Variants in KDM6A observed in about 807,000 individuals in gnomAD.
KDM6A encodes the protein lysine-specific demethylase 6A.
Under a neutral mutation model 117.6 loss-of-function variants are expected in KDM6A, and 11 were observed. The observed-to-expected ratio is 0.09, with a 90% CI of 0.06 to 0.15. KDM6A has a LOEUF of 0.15. Ranked by LOEUF, KDM6A falls within the 10% of genes least tolerant of loss-of-function variation. The pLI is 1.00. For synonymous variants in KDM6A, 384 were observed against 396.1 expected, an observed-to-expected ratio of 0.97 and a Z score of 0.36; for missense variants, 799 against 1,077.3, an observed-to-expected ratio of 0.74 and a Z score of 3.62.
At chrX:44,889,791 G>C (rs1416569034) in intron 2 of KDM6A, among the ~76,000 whole-genome samples, 1 of 112,102 alleles carries the variant, frequency 8.9e-6, no homozygotes, top group Non-Finnish European at 1.9e-5. Flanking sequence ...ATGACAGATT[G>C]GATATCATGC....
chrX:45,017,088 A>G (rs1219825561), intron 5 of KDM6A, among the ~76,000 whole-genome samples: 1 of 112,139 alleles, frequency 8.9e-6, no homozygotes, highest in Non-Finnish European at 1.9e-5. Flanking sequence ...GATGATATAA[A>G]AACTATATTT....
intron 17 of KDM6A, among the ~76,000 whole-genome samples, chrX:45,068,786 T>C (rs1378849943): frequency 1.2e-5 from 1 of 85,439 alleles, no homozygotes; most frequent in Non-Finnish European, 2.2e-5. Context: ...CTCCTCTCTC[T>C]TCTTTCTCTT....
At chrX:45,041,191 C>A (rs1311753144) in intron 8 of KDM6A, among the ~76,000 whole-genome samples, 2 of 88,154 alleles carry the variant, frequency 2.3e-5, no homozygotes, top group Non-Finnish European at 4.3e-5. Context: ...CCCCCTCCCC[C>A]CTCCCGGACG....
At chrX:45,041,211 G>A in intron 8 of KDM6A, among the ~76,000 whole-genome samples, 1 of 81,553 alleles carries the variant, frequency 1.2e-5, no homozygotes, top group Non-Finnish European at 2.3e-5. Flanking sequence ...GGGGCGGCTG[G>A]CCGGGCAGAG....
chrX:44,939,085 C>T (rs771213296), intron 2 of KDM6A, among the ~76,000 whole-genome samples: 48 of 112,515 alleles, frequency 4.3e-4, no homozygotes, highest in African/African-American at 1.4e-3. Context: ...ATCCATTGTG[C>T]AGCCCATAGA....
At chrX:44,969,000 G>C (rs2147226903) in intron 3 of KDM6A, among the ~76,000 whole-genome samples, 1 of 108,836 alleles carries the variant, frequency 9.2e-6, no homozygotes, top group African/African-American at 3.3e-5. Flanking sequence ...TTAGGTAGCA[G>C]ATTATTTCAA....
chrX:44,882,683 C>T (rs749410397), intron 2 of KDM6A, among the ~76,000 whole-genome samples: 4 of 112,118 alleles, frequency 3.6e-5, no homozygotes, highest in South Asian at 3.6e-4. Context: ...TTTCAAGATA[C>T]AGTAGTTAAA....
At chrX:45,055,384 T>A (rs914430056) in intron 10 of KDM6A, among the ~76,000 whole-genome samples, 1 of 110,773 alleles carries the variant, frequency 9.0e-6, no homozygotes, top group Non-Finnish European at 1.9e-5. Flanking sequence ...AGGAAAAAAA[T>A]TTTTAAAAAC....
At chrX:45,075,357 C>T (rs1226446539) in intron 18 of KDM6A, among the ~76,000 whole-genome samples, 1 of 111,272 alleles carries the variant, frequency 9.0e-6, no homozygotes, top group Admixed American at 9.6e-5. Flanking sequence ...AAGTGTATAT[C>T]TGTCTTTAAA....
chrX:45,040,601 G>C (rs1360957742), intron 8 of KDM6A, among the ~76,000 whole-genome samples: 81 of 73,482 alleles, frequency 1.1e-3, no homozygotes, highest in Non-Finnish European at 1.8e-3. Flanking sequence ...CCTCCCGGAC[G>C]GGGCGGCTGG....
chrX:44,990,345 C>T (rs2040501677), intron 4 of KDM6A, among the ~76,000 whole-genome samples: 2 of 110,595 alleles, frequency 1.8e-5, no homozygotes, highest in South Asian at 7.6e-4. Context: ...TCAAGACCAG[C>T]CTGGTTAACG....
chrX:45,001,613 A>G (rs1569513899), intron 4 of KDM6A, among the ~76,000 whole-genome samples: 1 of 112,099 alleles, frequency 8.9e-6, no homozygotes, highest in African/African-American at 3.2e-5. Context: ...CAAGCATCAA[A>G]TGCAATAGTT....
At chrX:45,069,433 T>C (rs1467358146) in intron 17 of KDM6A, 146 bp from the exon 18 acceptor site, 3 of 526,995 alleles carry the variant, frequency 5.7e-6, no homozygotes, top group Non-Finnish European at 9.1e-6. Context: ...AAGTTGCAGG[T>C]ACTTTTTGAT....
At chrX:44,964,246 C>G (rs953345987) in intron 3 of KDM6A, among the ~76,000 whole-genome samples, 1 of 107,463 alleles carries the variant, frequency 9.3e-6, no homozygotes, top group East Asian at 3.0e-4. Flanking sequence ...GGTCAAGAGT[C>G]GAGACCCACC....
intron 2 of KDM6A, among the ~76,000 whole-genome samples, chrX:44,890,804 G>A (rs893732872): frequency 6.5e-5 from 7 of 107,444 alleles, no homozygotes; most frequent in Non-Finnish European, 1.3e-4. Context: ...ACAGGCGCCC[G>A]CCACTACGCA....
Position 45,008,202 on chromosome X carries a change from G to C in KDM6A, c.385-2759G>C, listed in dbSNP as rs748078777. Among the ~76,000 whole-genome samples, 454 of 110,019 alleles carry C rather than the reference G, an allele frequency of 4.1e-3. 3 individuals are homozygous for C. The highest frequency in any genetic ancestry group is 6.0e-3 in the Non-Finnish European group (316 of 52,740). ...GTGTGTCCTGAAATCAGAAATGCCCGTCTCTACTAAAAATACAAAAAATTA... is the reference window on the plus strand; with the variant it reads ...GTGTGTCCTGAAATCAGAAATGCCCCTCTCTACTAAAAATACAAAAAATTA... On this transcript the variant is annotated intron_variant, in intron 4 of 29. Transcript: ENST00000611820.
chrX:45,103,568 G>A (rs2046410360), intron 27 of KDM6A, among the ~76,000 whole-genome samples: 1 of 111,823 alleles, frequency 8.9e-6, no homozygotes, highest in Non-Finnish European at 1.9e-5. Context: ...TAAGGCTTTT[G>A]ATAATTTGTC....
chrX:44,966,389 C>T (rs773677069), intron 3 of KDM6A, among the ~76,000 whole-genome samples: 11 of 111,039 alleles, frequency 9.9e-5, no homozygotes, highest in African/African-American at 2.9e-4. Flanking sequence ...GCGATCCTCC[C>T]GCCTCAGCCT....
intron 27 of KDM6A, among the ~76,000 whole-genome samples, chrX:45,105,004 T>A (rs1301249260): frequency 9.0e-6 from 1 of 111,557 alleles, no homozygotes; most frequent in Non-Finnish European, 1.9e-5. Flanking sequence ...GTGTAGTCAG[T>A]GGCATTGAAG....
Sources: gnomAD v4.1 joint callset for allele counts (sites outside exome capture counted in the v4.1 genomes callset) on GRCh38, gnomAD v4.1.1 for gene constraint, MANE v1.5 for transcripts, NCBI Gene and HGNC (gene_info 2026-07-23, HGNC 2026-07-21) for gene names.